Variants in ZBTB20 observed in about 807,000 individuals in gnomAD.
The protein encoded by ZBTB20 is zinc finger and BTB domain-containing protein 20.
ZBTB20 carries 9 observed loss-of-function variants against 56.9 expected under a neutral mutation model. The ratio of observed to expected loss-of-function variants is 0.16; its 90% CI spans 0.10 to 0.28. ZBTB20 has a LOEUF of 0.28. Among genes scored for constraint, ZBTB20 ranks in the 10% least tolerant of loss-of-function variants. ZBTB20 has a pLI of 1.00. For synonymous variants in ZBTB20, 417 were observed against 420.7 expected (o/e 0.99, Z 0.11); for missense variants, 655 against 1,003.0 (o/e 0.65, Z 4.69).
intron 7 of ZBTB20, among the ~76,000 whole-genome samples, chr3:114,423,317 T>C (rs1384336618): frequency 6.6e-6 from 1 of 152,176 alleles, no homozygotes; most frequent in Admixed American, 6.5e-5. Flanking sequence ...CAGGCTCAGC[T>C]CTCATAGACT....
intron 6 of ZBTB20, among the ~76,000 whole-genome samples, chr3:114,509,595 C>A (rs1035598461): frequency 2.0e-5 from 3 of 152,090 alleles, no homozygotes; most frequent in African/African-American, 7.2e-5. Flanking sequence ...ATCATACGTG[C>A]ACACACACAT....
chr3:114,571,133 C>T (rs2053385196), intron 6 of ZBTB20, among the ~76,000 whole-genome samples: 1 of 152,118 alleles, frequency 6.6e-6, no homozygotes, highest in African/African-American at 2.4e-5. Flanking sequence ...ATCTACCCCT[C>T]ACTAATTTGA....
intron 2 of ZBTB20, among the ~76,000 whole-genome samples, chr3:115,061,492 C>A (rs1259603269): frequency 6.6e-6 from 1 of 152,072 alleles, no homozygotes; most frequent in Non-Finnish European, 1.5e-5. Flanking sequence ...TCCTATTAAC[C>A]AATTTATTGA....
chr3:114,950,401 C>T (rs568212435), intron 3 of ZBTB20, among the ~76,000 whole-genome samples: 2 of 152,164 alleles, frequency 1.3e-5, no homozygotes, highest in South Asian at 2.1e-4. Context: ...TGGTCTCCCT[C>T]CCTCCTCTTC....
At chr3:115,116,814 G>C (rs1326645745) in intron 1 of ZBTB20, among the ~76,000 whole-genome samples, 2 of 152,030 alleles carry the variant, frequency 1.3e-5, no homozygotes, top group African/African-American at 4.8e-5. Flanking sequence ...AAAGTTGGTT[G>C]TTTACATGCC....
rs568152592 is a variant in ZBTB20 at position 114,606,726 on chromosome 3, T to C, written c.-295+86802A>G. Among the ~76,000 whole-genome samples, 3 of 152,310 alleles carry C rather than the reference T, an allele frequency of 2.0e-5. No homozygotes were observed. In the East Asian group the frequency reaches 5.8e-4, roughly 29 times the overall value. ...CACTTTCTCTCTTTCCTATTTCTTC[T>C]GTTGTGCCCAGTGAAGGAGTTACTA... On this transcript the variant is annotated intron_variant, in intron 6 of 11. Coordinates refer to ENST00000675478, the MANE Select transcript of ZBTB20 (RefSeq NM_001348800.3).
At chr3:115,036,726 T>TA (rs1432254630) in intron 2 of ZBTB20, among the ~76,000 whole-genome samples, 1 of 152,138 alleles carries the variant, frequency 6.6e-6, no homozygotes, top group African/African-American at 2.4e-5. Flanking sequence ...TTGTGATTTT[T>TA]TAAATGTGAC....
At chr3:114,651,502 A>G (rs2060125562) in intron 6 of ZBTB20, among the ~76,000 whole-genome samples, 1 of 150,130 alleles carries the variant, frequency 6.7e-6, no homozygotes, top group African/African-American at 2.5e-5. Context: ...TTGACAATTT[A>G]AAAGTATAGA....
intron 1 of ZBTB20, among the ~76,000 whole-genome samples, chr3:115,104,642 T>C (rs1215711078): frequency 1.3e-5 from 2 of 152,180 alleles, no homozygotes; most frequent in Non-Finnish European, 2.9e-5. Flanking sequence ...TGATTCCAAC[T>C]ATATGACATT....
chr3:114,354,587 G>GTTTTTTTTTTTTTTTTTTTTTTTTTT (rs10663657), intron 10 of ZBTB20, among the ~76,000 whole-genome samples: 1 of 130,146 alleles, frequency 7.7e-6, no homozygotes, highest in African/African-American at 2.9e-5. Context: ...TGTTTTGTTT[G>GTTTTTTTTTTTTTTTTTTTTTTTTTT]TTTTTTTTTT....
chr3:114,389,580 A>C (rs2085578204), intron 7 of ZBTB20, among the ~76,000 whole-genome samples: 1 of 151,962 alleles, frequency 6.6e-6, no homozygotes, highest in African/African-American at 2.4e-5. Context: ...GGAATGGCTA[A>C]ATCAAACTAA....
chr3:114,669,800 CTAAGAGT>C (rs1458110954), intron 6 of ZBTB20, among the ~76,000 whole-genome samples: 2 of 151,984 alleles, frequency 1.3e-5, no homozygotes, highest in Non-Finnish European at 2.9e-5. Flanking sequence ...CAGGCTAAAG[CTAAGAGT>C]TGCAGAACCA....
chr3:114,558,546 A>C (rs1373090898), intron 6 of ZBTB20, among the ~76,000 whole-genome samples: 2 of 152,096 alleles, frequency 1.3e-5, no homozygotes, highest in African/African-American at 4.8e-5. Flanking sequence ...AAGACATTTC[A>C]AATTCTCCAC....
chr3:114,926,717 C>T (rs1471585114), intron 3 of ZBTB20, among the ~76,000 whole-genome samples: 3 of 152,036 alleles, frequency 2.0e-5, no homozygotes, highest in African/African-American at 4.8e-5. Context: ...TTATATATAA[C>T]AAATACCCAA....
In ZBTB20 at chr3:114,490,207, TTA is replaced by T. The variant is rs530800929; in HGVS notation, c.-255+10143_-255+10144del. Among the ~76,000 whole-genome samples the T allele has an allele frequency of 2.0e-5, 3 of 152,084 alleles. No homozygotes were observed. In the East Asian group the frequency reaches 5.8e-4, roughly 29 times the overall value. On this transcript the variant is annotated intron_variant, in intron 7 of 11. Transcript: ENST00000675478. ...TAGTTAATATGCTTTCTTACCCTTC[TTA>T]TATATATATTTATTGATTGATTGAT... is the stretch of plus-strand genomic sequence containing the variant.
intron 5 of ZBTB20, among the ~76,000 whole-genome samples, chr3:114,799,577 C>T (rs1244031337): frequency 6.6e-6 from 1 of 151,872 alleles, no homozygotes; most frequent in Non-Finnish European, 1.5e-5. Context: ...AAACTAATAG[C>T]AGCTATTTCA....
rs373647082 is a variant in ZBTB20 at position 114,769,821 on chromosome 3, G to A, written c.-343+31280C>T. On this transcript the variant is annotated intron_variant, in intron 5 of 11. Transcript: ENST00000675478. Reference sequence around the variant, plus strand: ...GACCTGTAATCCCAGAACTTTGGGAGGACGAGGTGGGTGGATCACTTGAGG... The same window carrying A: ...GACCTGTAATCCCAGAACTTTGGGAAGACGAGGTGGGTGGATCACTTGAGG... Among the ~76,000 whole-genome samples, 67 of 152,176 alleles carry A rather than the reference G, an allele frequency of 4.4e-4. 1 individual carries two copies. In the East Asian group the frequency reaches 7.5e-3, roughly 17 times the overall value.
At chr3:114,437,361 G>C (rs147224677) in intron 7 of ZBTB20, among the ~76,000 whole-genome samples, 5 of 152,254 alleles carry the variant, frequency 3.3e-5, no homozygotes, top group African/African-American at 9.6e-5. Flanking sequence ...CAGCCTACTT[G>C]GTTGAGGTGA....
chr3:115,074,126 T>C (rs2108518350), intron 1 of ZBTB20, among the ~76,000 whole-genome samples: 1 of 152,268 alleles, frequency 6.6e-6, no homozygotes, highest in Admixed American at 6.5e-5. Context: ...TTCATCCATA[T>C]TTATGCTTCA....
Sources: gnomAD v4.1 joint callset for allele counts (sites outside exome capture counted in the v4.1 genomes callset) on GRCh38, gnomAD v4.1.1 for gene constraint, MANE v1.5 for transcripts, NCBI Gene and HGNC (gene_info 2026-07-23, HGNC 2026-07-21) for gene names.